Variants in NEIL3 observed in about 807,000 individuals in gnomAD.
The protein encoded by NEIL3 is endonuclease 8-like 3.
NEIL3 carries 48 observed loss-of-function variants against 57.5 expected under a neutral mutation model. The observed-to-expected ratio is 0.83, with a 90% CI of 0.66 to 1.06. The LOEUF (loss-of-function observed/expected upper bound fraction) is 1.06. Ranked by LOEUF, NEIL3 falls within the 50% of genes least tolerant of loss-of-function variation. The pLI, the probability that NEIL3 is intolerant of heterozygous loss-of-function variation, is 0.00. For missense variants in NEIL3, 717 were observed against 739.1 expected, an observed-to-expected ratio of 0.97 and a Z score of 0.35; for synonymous variants, 261 against 253.2, an observed-to-expected ratio of 1.03 and a Z score of -0.29.
chr4:177,352,375 C>T (rs558516015), intron 7 of NEIL3, among the ~76,000 whole-genome samples: 83 of 152,170 alleles, frequency 5.5e-4, no homozygotes, highest in Non-Finnish European at 7.2e-4. Flanking sequence ...TCTTAGGTTG[C>T]CACATTGATT....
intron 4 of NEIL3, among the ~76,000 whole-genome samples, chr4:177,338,826 C>T (rs983298075): frequency 6.6e-6 from 1 of 152,052 alleles, no homozygotes; most frequent in East Asian, 1.9e-4. Flanking sequence ...ATTTTCCCTT[C>T]CCTTCTTTCT....
At chr4:177,332,548 C>A (rs936671068) in intron 2 of NEIL3, among the ~76,000 whole-genome samples, 1 of 152,164 alleles carries the variant, frequency 6.6e-6, no homozygotes, top group Non-Finnish European at 1.5e-5. Flanking sequence ...ACTTGGACTT[C>A]ATCTCAAAGA....
intron 8 of NEIL3, among the ~76,000 whole-genome samples, chr4:177,358,433 G>A (rs763190916): frequency 2.9e-4 from 44 of 151,824 alleles, no homozygotes; most frequent in African/African-American, 9.7e-4. Flanking sequence ...TCAGCCTCCC[G>A]AGTACCTGGG....
chr4:177,345,234 A>C (rs1041447025), intron 6 of NEIL3, among the ~76,000 whole-genome samples: 4 of 152,236 alleles, frequency 2.6e-5, no homozygotes, highest in African/African-American at 9.6e-5. Context: ...CTTTGAGCTT[A>C]GTATAGAAAG....
In NEIL3 at chr4:177,362,765, TC is replaced by T. The variant is rs1391760457; in HGVS notation, c.*295del. On this transcript the variant is annotated 3_prime_UTR_variant, in exon 10 of 10. Transcript: ENST00000264596. Reference sequence around the variant, plus strand: ...AAGTGTTTTTAGTATGCTTTTAGTCTCTTGTAACTGGGGAGAAGCAGTGTTT... The same window carrying T: ...AAGTGTTTTTAGTATGCTTTTAGTCTTTGTAACTGGGGAGAAGCAGTGTTT... 1 of 200,870 alleles carries T rather than the reference TC, an allele frequency of 5.0e-6. No homozygotes were observed. Among genetic ancestry groups the T allele is most frequent in the Non-Finnish European group, 1.0e-5 (1 of 100,168 alleles). The allele number at this position is 200,870 out of a possible 1,614,324, so 12.4% of individuals were successfully genotyped here.
In NEIL3 at chr4:177,336,255, G is replaced by A; in HGVS notation, c.561G>A (p.Leu187=). 1 of 1,614,192 alleles carries A rather than the reference G, an allele frequency of 6.2e-7. No homozygotes were observed. Among genetic ancestry groups the A allele is most frequent in the Non-Finnish European group, 8.5e-7 (1 of 1,180,022 alleles). ...LGDVLMDQNV[L]PGVGNIIKNE... ...ATGTGCTAATGGATCAGAACGTATT[G>A]CCTGGAGTAGGGAACATCATCAAAA... is the stretch of plus-strand genomic sequence containing the variant. Residue 187 remains leucine (L), a synonymous_variant, in exon 4 of 10, where the codon TTG becomes TTA. Coordinates refer to ENST00000264596, the MANE Select transcript of NEIL3 (RefSeq NM_018248.3).
Position 177,324,590 on chromosome 4 carries a change from T to C in NEIL3, c.278+2010T>C, listed in dbSNP as rs139915328. Among the ~76,000 whole-genome samples, 16 of 152,314 alleles carry C rather than the reference T, an allele frequency of 1.1e-4. No individual in the cohort carries two copies. In the East Asian group the frequency reaches 3.1e-3, roughly 29 times the overall value. ...CCAAGGAATACTAAAAATTATTTGA[T>C]ACACATTTATTTTAGGAGCACTATT... On this transcript the variant is annotated intron_variant, in intron 2 of 9. Coordinates refer to ENST00000264596, the MANE Select transcript of NEIL3 (RefSeq NM_018248.3).
At chr4:177,342,265 A>G (rs748536503) in intron 6 of NEIL3, among the ~76,000 whole-genome samples, 4 of 152,232 alleles carry the variant, frequency 2.6e-5, no homozygotes, top group Non-Finnish European at 4.4e-5. Context: ...CCAGTGTCCA[A>G]TAATCCTTGA....
chr4:177,367,158 G>A (rs1042868830), downstream of NEIL3, among the ~76,000 whole-genome samples: 1 of 152,056 alleles, frequency 6.6e-6, no homozygotes, highest in Non-Finnish European at 1.5e-5. Flanking sequence ...CCTCAGTTGA[G>A]CATCTAGTCT....
chr4:177,354,608 T>C (rs1258149975), intron 8 of NEIL3, among the ~76,000 whole-genome samples: 2 of 152,136 alleles, frequency 1.3e-5, no homozygotes, highest in African/African-American at 2.4e-5. Flanking sequence ...TGGAGTGCAA[T>C]GGCACAATCT....
Position 177,349,034 on chromosome 4 carries a change from ATTT to A in NEIL3, c.870-2327_870-2325del, listed in dbSNP as rs70938582. ...AGGCACCCGTCACCACACCTGGCTA[ATTT>A]TTTTTTTTTTTTTTTTTTGTATTTT... On this transcript the variant is annotated intron_variant, in intron 6 of 9. Coordinates refer to ENST00000264596, the MANE Select transcript of NEIL3 (RefSeq NM_018248.3). 6.6e-3 allele frequency among the ~76,000 whole-genome samples: 660 copies of A among 100,424 alleles called. 4 individuals carry two copies. Among genetic ancestry groups the A allele is most frequent in the African/African-American group, 0.017 (421 of 24,310 alleles). The allele number at this position is 100,424 out of a possible 152,430, so 65.9% of individuals were successfully genotyped here. A position where few individuals can be genotyped will look rare whatever the true frequency, so the allele number is the denominator to read the frequency against.
chr4:177,343,956 T>C (rs1042435764), intron 6 of NEIL3, among the ~76,000 whole-genome samples: 8 of 152,134 alleles, frequency 5.3e-5, no homozygotes, highest in Non-Finnish European at 1.0e-4. Flanking sequence ...ACTAAATAAA[T>C]GATTAATGTT....
chr4:177,364,307 A>G (rs1450067430), downstream of NEIL3, among the ~76,000 whole-genome samples: 4 of 152,196 alleles, frequency 2.6e-5, no homozygotes, highest in African/African-American at 9.7e-5. Flanking sequence ...CTGGAGAGTG[A>G]ACTAAAGCAG....
Position 177,322,554 on chromosome 4 carries a change from T to C in NEIL3, c.252T>C (p.Phe84=). The change falls in exon 2 of 10, where the codon TTT becomes TTC. Residue 84 remains phenylalanine, a synonymous_variant. Coordinates refer to ENST00000264596, the MANE Select transcript of NEIL3 (RefSeq NM_018248.3). ...TGGAAACTTTGGGGAAGGAGCTCTT[T>C]ATGTACTTTGGACCAAAAGCTTTAC... is the stretch of plus-strand genomic sequence containing the variant. ...SGVETLGKEL[F]MYFGPKALRI... is the part of the protein sequence containing the mutation. 1.2e-6 allele frequency: 2 copies of C among 1,613,934 alleles called. No individual in the cohort carries two copies. The highest frequency in any genetic ancestry group is 8.5e-7 in the Non-Finnish European group (1 of 1,179,816).
chr4:177,324,957 A>ATAGATAGAT (rs1259105292), intron 2 of NEIL3, among the ~76,000 whole-genome samples: 1 of 123,884 alleles, frequency 8.1e-6, no homozygotes, highest in African/African-American at 2.9e-5. Context: ...AAACAGATAG[A>ATAGATAGAT]TAGATAGATA....
intron 6 of NEIL3, among the ~76,000 whole-genome samples, chr4:177,346,929 G>C (rs936058252): frequency 6.6e-6 from 1 of 151,792 alleles, no homozygotes; most frequent in South Asian, 2.1e-4. Context: ...TTCAACGCGG[G>C]AGGTGGAGGT....
chr4:177,360,774 C>A, intron 9 of NEIL3, 97 bp downstream of exon 9: 1 of 980,130 alleles, frequency 1.0e-6, no homozygotes, highest in Non-Finnish European at 1.4e-6. Context: ...TTACCTTTTA[C>A]CTTTAAATTT....
At position 177,353,455 on chromosome 4, in the gene NEIL3, G is replaced by T; in HGVS notation, c.1187G>T (p.Ser396Ile). Residue 396 changes from serine (S) to isoleucine (I), a missense_variant, in exon 8 of 10, where the codon AGC (serine) becomes ATC (isoleucine). Physicochemically the swap from Ser to Ile is moderately radical, Grantham distance 142. Transcript: ENST00000264596. ...ACAACTCTTGTCTTGACTGATTTTAGCAATAAATCCAGTACTTTGGAAAGA... is the reference window on the plus strand; with the variant it reads ...ACAACTCTTGTCTTGACTGATTTTATCAATAAATCCAGTACTTTGGAAAGA... ...GTTTLVLTDF[S>I]NKSSTLERKT... 3.1e-6 allele frequency: 5 copies of T among 1,613,752 alleles called. No individual in the cohort carries two copies. Among genetic ancestry groups the T allele is most frequent in the Non-Finnish European group, 4.2e-6 (5 of 1,179,950 alleles).
In NEIL3 at chr4:177,353,653, C is replaced by A. The variant is rs549179923; in HGVS notation, c.1385C>A (p.Pro462Gln). Residue 462 changes from proline to glutamine, a missense_variant, in exon 8 of 10, where the codon CCA becomes CAA. Coordinates refer to ENST00000264596, the MANE Select transcript of NEIL3 (RefSeq NM_018248.3). Reference sequence around the variant, plus strand: ...AGTTCAGAATCTAAATTATTTAGTCCAGCACATAAAAAACCGAAAACAGCC... The same window carrying A: ...AGTTCAGAATCTAAATTATTTAGTCAAGCACATAAAAAACCGAAAACAGCC... ...TISSESKLFS[P>Q]AHKKPKTAQY... 2.5e-5 allele frequency: 40 copies of A among 1,613,606 alleles called. No homozygotes were observed. The highest frequency in any genetic ancestry group is 3.4e-5 in the Non-Finnish European group (40 of 1,179,764).
Sources: allele counts gnomAD v4.1 joint callset (sites outside exome capture counted in the v4.1 genomes callset), GRCh38; gene constraint gnomAD v4.1.1; transcripts MANE v1.5; gene names NCBI Gene and HGNC (gene_info 2026-07-23, HGNC 2026-07-21).